Variants in MEGF6 observed in about 807,000 individuals in gnomAD.
MEGF6 encodes the protein multiple EGF like domains 6.
In MEGF6, 184 loss-of-function variants were observed where a neutral mutation model predicts 207.1. The observed-to-expected ratio is 0.89, with a 90% CI of 0.79 to 1.00. The LOEUF (loss-of-function observed/expected upper bound fraction) is 1.00, where lower values mean the gene tolerates loss of function less well. Ranked by LOEUF, MEGF6 falls within the 50% of genes least tolerant of loss-of-function variation. The probability of loss-of-function intolerance (pLI) is 0.00; values close to 1 mark genes in which losing one functional copy is unlikely to be tolerated. For missense variants in MEGF6, 2,282 were observed against 2,202.9 expected, an observed-to-expected ratio of 1.04 and a Z score of -0.72; for synonymous variants, 1,038 against 910.0, an observed-to-expected ratio of 1.14 and a Z score of -2.53.
chr1:3,611,752 C>T (rs941067858), upstream of MEGF6, among the ~76,000 whole-genome samples: 2 of 150,448 alleles, frequency 1.3e-5, no homozygotes, highest in African/African-American at 4.9e-5. Context: ...CCGGTCCCGG[C>T]CCCGCCCACA....
intron 3 of MEGF6, among the ~76,000 whole-genome samples, chr1:3,590,999 C>A (rs1643967730): frequency 6.6e-6 from 1 of 151,834 alleles, no homozygotes; most frequent in Admixed American, 6.6e-5. Context: ...TGCCCACAGG[C>A]ACACTGGCTG....
chr1:3,599,031 C>T (rs1644118347), intron 2 of MEGF6, among the ~76,000 whole-genome samples: 1 of 152,202 alleles, frequency 6.6e-6, no homozygotes, highest in South Asian at 2.1e-4. Flanking sequence ...CGGGCTGGAG[C>T]ACCCATCACC....
rs1339054841 is a variant in MEGF6 at position 3,509,397 on chromosome 1, A to AG, written c.1358-153dup. ...ACCCCCACCTCCTCAGCCTGGTCCC[A>AG]GGGGTCATCCCAGCTGCACCCGACC... On this transcript the variant is annotated intron_variant, in intron 11 of 36. Coordinates refer to ENST00000356575, the MANE Select transcript of MEGF6 (RefSeq NM_001409.4). 9.6e-6 allele frequency: 6 copies of AG among 624,864 alleles called. No homozygotes were observed. The Admixed American group carries it at 1.5e-4, about 16-fold the overall frequency. The allele number at this position is 624,864 out of a possible 1,614,324, so 38.7% of individuals were successfully genotyped here. A position where few individuals can be genotyped will look rare whatever the true frequency, so the allele number is the denominator to read the frequency against.
At chr1:3,500,809 C>A in intron 20 of MEGF6, 45 bp from the exon 21 acceptor site, 1 of 1,595,238 alleles carries the variant, frequency 6.3e-7, no homozygotes. Flanking sequence ...CAAGCGCGGG[C>A]CACGGGCACC....
chr1:3,586,698 C>T (rs1217331235), intron 3 of MEGF6, among the ~76,000 whole-genome samples: 9 of 152,154 alleles, frequency 5.9e-5, no homozygotes, highest in Non-Finnish European at 7.4e-5. Context: ...AAGCAAATGG[C>T]GGAGGCAGGA....
intron 23 of MEGF6, 63 bp from the exon 24 acceptor site, chr1:3,499,329 T>C: frequency 6.5e-7 from 1 of 1,536,590 alleles, no homozygotes; most frequent in Non-Finnish European, 8.8e-7. Flanking sequence ...TGGCAGCAGA[T>C]CACAGCCAGC....
Position 3,499,251 on chromosome 1 carries a change from G to T in MEGF6, c.2981C>A (p.Thr994Asn), listed in dbSNP as rs753621662. The T allele has an allele frequency of 6.2e-7, 1 of 1,605,872 alleles. No individual in the cohort carries two copies. The highest frequency in any genetic ancestry group is 1.1e-5 in the South Asian group (1 of 89,580). ...GGCCTGGCTGCAATTGTGCCCGTAG[G>T]TGTGGGCTGGGCAGGCTGCAGGTGG... ...PRCAETCPAH[T>N]YGHNCSQACA... Residue 994 changes from threonine to asparagine, a missense_variant, in exon 24 of 37, where the codon ACC (threonine) becomes AAC (asparagine). Coordinates refer to ENST00000356575, the MANE Select transcript of MEGF6 (RefSeq NM_001409.4).
chr1:3,545,152 T>C (rs1642661311), intron 4 of MEGF6, among the ~76,000 whole-genome samples: 1 of 152,126 alleles, frequency 6.6e-6, no homozygotes, highest in Non-Finnish European at 1.5e-5. Flanking sequence ...CTGTGTCCGC[T>C]GCGGGTCTTC....
At chr1:3,561,386 G>C (rs966624450) in intron 4 of MEGF6, among the ~76,000 whole-genome samples, 1 of 152,204 alleles carries the variant, frequency 6.6e-6, no homozygotes, top group African/African-American at 2.4e-5. Context: ...CAGGACCCCA[G>C]GGTGAAGAAG....
chr1:3,529,251 T>TG (rs1395129889), intron 4 of MEGF6, among the ~76,000 whole-genome samples: 1 of 151,852 alleles, frequency 6.6e-6, no homozygotes, highest in Non-Finnish European at 1.5e-5. Context: ...GAGGCCAGTG[T>TG]GGGGGCCTGA....
chr1:3,505,179 G>C, intron 17 of MEGF6, 29 bp downstream of exon 17: 2 of 1,606,358 alleles, frequency 1.2e-6, no homozygotes, highest in South Asian at 2.2e-5. Context: ...CAATGAGACT[G>C]CCGGGAGCCC....
chr1:3,584,499 G>T (rs1643867397), intron 3 of MEGF6, among the ~76,000 whole-genome samples: 2 of 152,208 alleles, frequency 1.3e-5, no homozygotes, highest in African/African-American at 4.8e-5. Flanking sequence ...CTCCAAAGGT[G>T]ATCGCTGGAG....
intron 4 of MEGF6, among the ~76,000 whole-genome samples, chr1:3,537,608 C>A (rs181155283): frequency 6.6e-6 from 1 of 152,262 alleles, no homozygotes; most frequent in African/African-American, 2.4e-5. Context: ...CTCTTCCCCG[C>A]TCCCACGGAA....
intron 5 of MEGF6, among the ~76,000 whole-genome samples, chr1:3,518,663 G>C (rs1303069490): frequency 1.3e-5 from 2 of 152,234 alleles, no homozygotes; most frequent in Non-Finnish European, 2.9e-5. Flanking sequence ...CTACAGGGTG[G>C]TTCTGGTCCC....
chr1:3,532,546 C>T (rs1462858064), intron 4 of MEGF6, among the ~76,000 whole-genome samples: 3 of 152,214 alleles, frequency 2.0e-5, no homozygotes, highest in South Asian at 2.1e-4. Flanking sequence ...CCAGGAAGGC[C>T]CGAAAATCTC....
At position 3,499,822 on chromosome 1, in the gene MEGF6, C is replaced by T; in HGVS notation, c.2810G>A (p.Gly937Asp). 1 of 1,553,900 alleles carries T rather than the reference C, an allele frequency of 6.4e-7. No homozygotes were observed. Among genetic ancestry groups the T allele is most frequent in the Non-Finnish European group, 8.7e-7 (1 of 1,149,478 alleles). The change falls in exon 22 of 37, where the codon GGC (glycine) becomes GAC (aspartate). Residue 937 changes from glycine (G) to aspartate (D), a missense_variant. Physicochemically the swap from Gly to Asp is moderately conservative, Grantham distance 94. Coordinates refer to ENST00000356575, the MANE Select transcript of MEGF6 (RefSeq NM_001409.4). ...HVSGACTCPA[G>D]WRGTFCEHAC... ...ATGCTCGCAGAAGGTGCCCCTCCAGCCGGCCGGGCAGGTGCAGGCCCCGCT... is the reference window on the plus strand; with the variant it reads ...ATGCTCGCAGAAGGTGCCCCTCCAGTCGGCCGGGCAGGTGCAGGCCCCGCT...
chr1:3,593,517 G>A (rs2101836652), intron 3 of MEGF6, among the ~76,000 whole-genome samples: 1 of 129,612 alleles, frequency 7.7e-6, no homozygotes. Context: ...GTCCCCTCCT[G>A]GGAACAAAAA....
chr1:3,516,271 G>A (rs947764753), intron 5 of MEGF6, among the ~76,000 whole-genome samples: 2 of 152,230 alleles, frequency 1.3e-5, no homozygotes, highest in Admixed American at 6.5e-5. Flanking sequence ...GGGCCAGGCT[G>A]GGCACCCAGG....
At chr1:3,613,382 C>A (rs114556096), upstream of MEGF6, among the ~76,000 whole-genome samples, 791 of 152,348 alleles carry the variant, frequency 5.2e-3, 4 homozygotes, top group African/African-American at 0.018. Flanking sequence ...GTGTCTCCCC[C>A]ACCCTGAGAG....
Sources: gnomAD v4.1 joint callset for allele counts (sites outside exome capture counted in the v4.1 genomes callset) on GRCh38, gnomAD v4.1.1 for gene constraint, MANE v1.5 for transcripts, NCBI Gene and HGNC (gene_info 2026-07-23, HGNC 2026-07-21) for gene names.